PTPRN2: variants seen among roughly 807,000 people sequenced by gnomAD.
PTPRN2 encodes the protein receptor-type tyrosine-protein phosphatase N2.
A neutral mutation model predicts 118.8 loss-of-function variants in PTPRN2; 74 were observed. The observed-to-expected ratio is 0.62, with a 90% CI of 0.52 to 0.76. PTPRN2 has a LOEUF of 0.76. Ranked by LOEUF, PTPRN2 falls within the 30% of genes least tolerant of loss-of-function variation. PTPRN2 has a pLI of 0.00. For missense variants in PTPRN2, 1,481 were observed against 1,394.4 expected, an observed-to-expected ratio of 1.06 and a Z score of -0.99; for synonymous variants, 641 against 608.0, an observed-to-expected ratio of 1.05 and a Z score of -0.80.
intron 11 of PTPRN2, among the ~76,000 whole-genome samples, chr7:157,962,487 T>G (rs974928231): frequency 1.3e-5 from 2 of 152,250 alleles, no homozygotes; most frequent in African/African-American, 2.4e-5. Context: ...GACACCCTGA[T>G]CCAGGACAGC....
intron 2 of PTPRN2, among the ~76,000 whole-genome samples, chr7:158,333,509 C>T (rs1393258698): frequency 2.0e-5 from 3 of 148,852 alleles, no homozygotes; most frequent in African/African-American, 5.2e-5. Flanking sequence ...CTCACACCCA[C>T]ACTCTCACCA....
At chr7:158,571,510 A>C (rs1202905139) in intron 1 of PTPRN2, among the ~76,000 whole-genome samples, 20 of 147,706 alleles carry the variant, frequency 1.4e-4, no homozygotes, top group Non-Finnish European at 2.2e-4. Context: ...AACAAAAAAA[A>C]ACACACACCT....
intron 2 of PTPRN2, among the ~76,000 whole-genome samples, chr7:158,330,601 T>C: frequency 1.3e-5 from 1 of 78,412 alleles, no homozygotes; most frequent in Non-Finnish European, 2.8e-5. Flanking sequence ...CAGACGTCAC[T>C]CACACCCACA....
chr7:157,910,800 G>A (rs1585002371), intron 11 of PTPRN2, among the ~76,000 whole-genome samples: 3 of 152,346 alleles, frequency 2.0e-5, no homozygotes, highest in Non-Finnish European at 2.9e-5. Context: ...CCACTGCGCG[G>A]CAACAACACA....
chr7:157,683,059 T>G (rs1419787701), intron 12 of PTPRN2, 122 bp from the exon 13 acceptor site: 3 of 861,596 alleles, frequency 3.5e-6, no homozygotes. Context: ...GTGCTGGCCC[T>G]GGAGCCACAA....
At position 157,770,059 on chromosome 7, in the gene PTPRN2, C is replaced by T. The variant is rs183839383; in HGVS notation, c.1789-87122G>A. ...GGTTCTCTGTGGCTTCCTTGGTCTC[C>T]GAGCCTCCCCAGCACTTTCACTTCC... On this transcript the variant is annotated intron_variant, in intron 12 of 22. Transcript: ENST00000389418. 9.1e-4 allele frequency among the ~76,000 whole-genome samples: 139 copies of T among 152,340 alleles called. 1 individual carries two copies. Among genetic ancestry groups the T allele is most frequent in the African/African-American group, 3.0e-3 (123 of 41,576 alleles).
chr7:158,471,705 C>T (rs753315278), intron 2 of PTPRN2, among the ~76,000 whole-genome samples: 1 of 143,610 alleles, frequency 7.0e-6, no homozygotes, highest in Non-Finnish European at 1.5e-5. Context: ...CAAAAACAAA[C>T]AAACAAAAAA....
At position 158,246,810 on chromosome 7, in the gene PTPRN2, G is replaced by A. The variant is rs574715761; in HGVS notation, c.278-41537C>T. ...GCTTCCCATGGCCATGCCGGAATCCGTGGTCATGCCGGAATCCACTGATGG... is the reference window on the plus strand; with the variant it reads ...GCTTCCCATGGCCATGCCGGAATCCATGGTCATGCCGGAATCCACTGATGG... On this transcript the variant is annotated intron_variant, in intron 3 of 22. Transcript: ENST00000389418. 3.9e-5 allele frequency among the ~76,000 whole-genome samples: 6 copies of A among 152,086 alleles called. No homozygotes were observed. The East Asian group carries it at 7.8e-4, about 20-fold the overall frequency.
At chr7:158,461,393 G>A (rs917016647) in intron 2 of PTPRN2, among the ~76,000 whole-genome samples, 1 of 152,072 alleles carries the variant, frequency 6.6e-6, no homozygotes, top group Non-Finnish European at 1.5e-5. Context: ...CTACTCGGGA[G>A]GCTGAGGCAG....
chr7:158,452,911 G>C (rs1475330002), intron 2 of PTPRN2, among the ~76,000 whole-genome samples: 1 of 152,226 alleles, frequency 6.6e-6, no homozygotes, highest in Non-Finnish European at 1.5e-5. Flanking sequence ...CAGGGGCACA[G>C]AGGGCCCCAC....
intron 1 of PTPRN2, among the ~76,000 whole-genome samples, chr7:158,583,985 G>A (rs1347411191): frequency 1.3e-5 from 2 of 152,202 alleles, no homozygotes; most frequent in Non-Finnish European, 2.9e-5. Context: ...CACAAAGCCA[G>A]CAGAGTCCTG....
In PTPRN2 at chr7:158,514,872, T is replaced by A. The variant is rs376158768; in HGVS notation, c.113-25087A>T. On this transcript the variant is annotated intron_variant, in intron 1 of 22. Transcript: ENST00000389418. ...CTGTCACCATCCGCCTGCCTCAAAGTCACTGGCACGTGTGTGGTTTGCTGC... is the reference window on the plus strand; with the variant it reads ...CTGTCACCATCCGCCTGCCTCAAAGACACTGGCACGTGTGTGGTTTGCTGC... 6.6e-4 allele frequency among the ~76,000 whole-genome samples: 100 copies of A among 152,268 alleles called. 1 individual carries two copies. In the South Asian group the frequency reaches 0.02, roughly 31 times the overall value.
chr7:157,581,924 A>G (rs1176928015), intron 17 of PTPRN2, among the ~76,000 whole-genome samples: 1 of 152,210 alleles, frequency 6.6e-6, no homozygotes, highest in African/African-American at 2.4e-5. Context: ...ACAGGCAGAG[A>G]TGGAGTGTTG....
intron 21 of PTPRN2, among the ~76,000 whole-genome samples, chr7:157,568,349 G>A (rs747678512): frequency 5.3e-5 from 8 of 152,190 alleles, no homozygotes; most frequent in Non-Finnish European, 1.0e-4. Context: ...CCCACAGCAC[G>A]CACAGAGATT....
chr7:158,041,520 C>A (rs1449593417), intron 11 of PTPRN2, among the ~76,000 whole-genome samples: 3 of 151,978 alleles, frequency 2.0e-5, no homozygotes, highest in Non-Finnish European at 4.4e-5. Flanking sequence ...CACCTGTAGT[C>A]CCAGCTACTC....
At chr7:157,626,690 C>T (rs1032424995) in intron 14 of PTPRN2, among the ~76,000 whole-genome samples, 5 of 152,184 alleles carry the variant, frequency 3.3e-5, no homozygotes, top group Non-Finnish European at 7.3e-5. Context: ...GTTTCAGCTG[C>T]TCAGCACAGG....
chr7:157,664,637 T>C (rs1054058074), intron 13 of PTPRN2, among the ~76,000 whole-genome samples: 6 of 152,106 alleles, frequency 3.9e-5, no homozygotes, highest in Non-Finnish European at 7.4e-5. Context: ...CGTGCACCTG[T>C]ACTCCCAGCT....
chr7:157,770,473 C>T (rs1406976411), intron 12 of PTPRN2, among the ~76,000 whole-genome samples: 4 of 152,232 alleles, frequency 2.6e-5, no homozygotes, highest in African/African-American at 7.2e-5. Flanking sequence ...AGGCCCTGTG[C>T]ACCCAGAGAA....
chr7:158,303,308 C>T (rs539717974), intron 3 of PTPRN2, among the ~76,000 whole-genome samples: 20 of 152,256 alleles, frequency 1.3e-4, no homozygotes, highest in African/African-American at 4.3e-4. Flanking sequence ...CCACACCAGC[C>T]GAAGGACCCC....
Sources: allele counts gnomAD v4.1 joint callset (sites outside exome capture counted in the v4.1 genomes callset), GRCh38; gene constraint gnomAD v4.1.1; transcripts MANE v1.5; gene names NCBI Gene and HGNC (gene_info 2026-07-23, HGNC 2026-07-21).